Variants in PCCA observed in about 807,000 individuals in gnomAD.
The protein encoded by PCCA is propionyl-CoA carboxylase alpha chain, mitochondrial.
In PCCA, 74 loss-of-function variants were observed where a neutral mutation model predicts 101.3. The observed-to-expected ratio is 0.73, with a 90% confidence interval of 0.61 to 0.89. The LOEUF (loss-of-function observed/expected upper bound fraction) is 0.89. Among genes scored for constraint, PCCA ranks in the 40% least tolerant of loss-of-function variants. The probability of loss-of-function intolerance (pLI) is 0.00; values close to 1 mark genes in which losing one functional copy is unlikely to be tolerated. For missense variants in PCCA, 891 were observed against 907.0 expected (o/e 0.98, Z 0.23); for synonymous variants, 294 against 313.6 (o/e 0.94, Z 0.66).
At chr13:100,414,629 T>C (rs1401892531) in intron 19 of PCCA, among the ~76,000 whole-genome samples, 1 of 152,242 alleles carries the variant, frequency 6.6e-6, no homozygotes, top group Non-Finnish European at 1.5e-5. Context: ...CTTTTTAGAA[T>C]TTTAAAGTAT....
intron 21 of PCCA, among the ~76,000 whole-genome samples, chr13:100,507,347 G>A (rs1036160795): frequency 3.3e-5 from 5 of 152,148 alleles, no homozygotes; most frequent in African/African-American, 1.2e-4. Flanking sequence ...CCTTTATCAT[G>A]GGCACACCTG....
intron 18 of PCCA, among the ~76,000 whole-genome samples, chr13:100,354,903 A>T (rs2073801597): frequency 6.6e-6 from 1 of 152,214 alleles, no homozygotes; most frequent in Non-Finnish European, 1.5e-5. Flanking sequence ...TGGTTAAAAA[A>T]GTTAAAGGAA....
chr13:100,458,588 T>C (rs973944207), intron 21 of PCCA, among the ~76,000 whole-genome samples: 1 of 151,832 alleles, frequency 6.6e-6, no homozygotes, highest in African/African-American at 2.4e-5. Context: ...TGAGGTATGA[T>C]TACTCCACTT....
chr13:100,203,675 C>G (rs990251475), intron 6 of PCCA, among the ~76,000 whole-genome samples: 3 of 151,962 alleles, frequency 2.0e-5, no homozygotes, highest in Non-Finnish European at 2.9e-5. Context: ...AGTGAGACTT[C>G]GTATCAAGAC....
At chr13:100,223,722 G>C (rs907626978) in intron 7 of PCCA, among the ~76,000 whole-genome samples, 1 of 152,164 alleles carries the variant, frequency 6.6e-6, no homozygotes, top group African/African-American at 2.4e-5. Context: ...CTGGTGGTCT[G>C]TTTTGACAGG....
chr13:100,093,968 C>A (rs1428690156), intron 1 of PCCA, among the ~76,000 whole-genome samples: 1 of 151,904 alleles, frequency 6.6e-6, no homozygotes, highest in African/African-American at 2.4e-5. Context: ...ATGGCTCATG[C>A]CTGTAATCCC....
At chr13:100,356,927 A>C (rs1271988095) in intron 18 of PCCA, among the ~76,000 whole-genome samples, 1 of 152,238 alleles carries the variant, frequency 6.6e-6, no homozygotes, top group African/African-American at 2.4e-5. Flanking sequence ...TGCAACATGG[A>C]TGAATTTTGC....
chr13:100,502,148 T>C (rs1169700717), intron 21 of PCCA, among the ~76,000 whole-genome samples: 1 of 152,200 alleles, frequency 6.6e-6, no homozygotes, highest in African/African-American at 2.4e-5. Context: ...CTATTTCTGA[T>C]TGTAAATTCC....
intron 9 of PCCA, among the ~76,000 whole-genome samples, chr13:100,261,857 T>A (rs1267336762): frequency 6.6e-6 from 1 of 152,144 alleles, no homozygotes; most frequent in Non-Finnish European, 1.5e-5. Context: ...CATTTCAAGA[T>A]GTGGATTTAA....
chr13:100,454,886 T>TA (rs879858370), intron 21 of PCCA, among the ~76,000 whole-genome samples: 10 of 151,906 alleles, frequency 6.6e-5, no homozygotes, highest in African/African-American at 1.2e-4. Context: ...CTCATTACTT[T>TA]AAAAAAAATG....
At chr13:100,458,418 T>TGC (rs148274121) in intron 21 of PCCA, among the ~76,000 whole-genome samples, 2 of 104,568 alleles carry the variant, frequency 1.9e-5, no homozygotes, top group African/African-American at 5.0e-5. Flanking sequence ...ACCCCATCTC[T>TGC]GCGCGCACAC....
intron 6 of PCCA, among the ~76,000 whole-genome samples, chr13:100,175,462 A>G (rs1263882214): frequency 6.6e-6 from 1 of 152,220 alleles, no homozygotes; most frequent in Non-Finnish European, 1.5e-5. Context: ...GAGTGGTGAC[A>G]GGCTGCTCTG....
chr13:100,189,101 T>C (rs1566667235), intron 6 of PCCA, among the ~76,000 whole-genome samples: 2 of 152,112 alleles, frequency 1.3e-5, no homozygotes, highest in Admixed American at 6.5e-5. Context: ...TGTCTTCTCA[T>C]TGTTCAACTC....
intron 4 of PCCA, among the ~76,000 whole-genome samples, chr13:100,139,228 G>T (rs1249386658): frequency 6.6e-6 from 1 of 151,724 alleles, no homozygotes; most frequent in Admixed American, 6.6e-5. Flanking sequence ...TTGTTACCCT[G>T]TTTGAGATTC....
At chr13:100,186,422 G>C (rs2057270112) in intron 6 of PCCA, among the ~76,000 whole-genome samples, 1 of 152,112 alleles carries the variant, frequency 6.6e-6, no homozygotes, top group African/African-American at 2.4e-5. Flanking sequence ...TCTGCTAATG[G>C]ATGGGGAATG....
intron 22 of PCCA, among the ~76,000 whole-genome samples, chr13:100,519,626 C>T (rs1195818479): frequency 6.6e-6 from 1 of 152,222 alleles, no homozygotes; most frequent in African/African-American, 2.4e-5. Flanking sequence ...GACACAGGCA[C>T]CCCATCCCAT....
intron 19 of PCCA, among the ~76,000 whole-genome samples, chr13:100,414,024 A>T (rs996113782): frequency 6.6e-6 from 1 of 152,246 alleles, no homozygotes; most frequent in Non-Finnish European, 1.5e-5. Flanking sequence ...TGATCAATTA[A>T]TGAGGTGATA....
chr13:100,370,074 C>CTTTTTTTTTTTTT (rs386380451), intron 19 of PCCA, among the ~76,000 whole-genome samples: 4 of 74,638 alleles, frequency 5.4e-5, no homozygotes, highest in Admixed American at 2.2e-4. Flanking sequence ...GCTGTTACTT[C>CTTTTTTTTTTTTT]TTTTTTTTTT....
intron 7 of PCCA, among the ~76,000 whole-genome samples, chr13:100,211,317 C>T (rs1386125600): frequency 6.6e-6 from 1 of 152,192 alleles, no homozygotes. Flanking sequence ...ATTGTCCTTC[C>T]TCACTTTCAT....
Sources: gnomAD v4.1 joint callset for allele counts (sites outside exome capture counted in the v4.1 genomes callset) on GRCh38, gnomAD v4.1.1 for gene constraint, MANE v1.5 for transcripts, NCBI Gene and HGNC (gene_info 2026-07-23, HGNC 2026-07-21) for gene names.